Variants in SATL1 observed in about 807,000 individuals in gnomAD.
SATL1 encodes the protein spermidine/spermine N1-acetyl transferase like 1.
SATL1 carries 47 observed loss-of-function variants against 51.8 expected under a neutral mutation model. That is an observed-to-expected ratio of 0.91 (90% CI 0.72 to 1.16). The LOEUF (loss-of-function observed/expected upper bound fraction) is 1.16, where lower values mean the gene tolerates loss of function less well. Among genes scored for constraint, SATL1 ranks in the 50% most tolerant of loss-of-function variants. The probability of loss-of-function intolerance (pLI) is 0.00; values close to 1 mark genes in which losing one functional copy is unlikely to be tolerated. For missense variants in SATL1, 520 were observed against 526.4 expected, an observed-to-expected ratio of 0.99 and a Z score of 0.12; for synonymous variants, 176 against 182.4, an observed-to-expected ratio of 0.97 and a Z score of 0.28.
intron 2 of SATL1, among the ~76,000 whole-genome samples, chrX:85,199,085 C>T (rs914605724): frequency 3.6e-5 from 4 of 109,834 alleles, no homozygotes; most frequent in Non-Finnish European, 5.7e-5. Context: ...GACATTAGCC[C>T]GCCTCAGCCT....
Position 85,108,710 on chromosome X carries a change from G to C in SATL1, c.259C>G (p.Pro87Ala), listed in dbSNP as rs141330942. The change falls in exon 3 of 8, where the codon CCA (proline) becomes GCA (alanine). Residue 87 changes from proline to alanine, a missense_variant. Pro to Ala is a conservative substitution (Grantham distance 27). Transcript: ENST00000644105. ...PDTWQLGRSQ[P>A]GMLQQELSQL... ...CTCAGTTCTTGTTGCAGCATGCCTG[G>C]TTGGCTCCTACCTAATTGCCATGTG... 5.1e-3 allele frequency: 6,133 copies of C among 1,202,514 alleles called. 19 individuals carry two copies. Among genetic ancestry groups the C allele is most frequent in the Middle Eastern group, 0.011 (46 of 4,339 alleles).
chrX:85,100,406 C>T (rs1342676436), intron 4 of SATL1, among the ~76,000 whole-genome samples: 1 of 111,184 alleles, frequency 9.0e-6, no homozygotes, highest in Non-Finnish European at 1.9e-5. Context: ...CAGCAAAAAA[C>T]AAACCAAAAA....
chrX:85,234,799 C>T (rs1049492879), intron 1 of SATL1, among the ~76,000 whole-genome samples: 4 of 110,720 alleles, frequency 3.6e-5, no homozygotes, highest in Non-Finnish European at 5.7e-5. Context: ...GAAAGAAGGA[C>T]GAGAAGACCA....
intron 2 of SATL1, chrX:85,209,497 C>T (rs1490960932): frequency 9.0e-6 from 1 of 111,708 alleles, no homozygotes; most frequent in East Asian, 2.8e-4. Context: ...ATTGATTCTT[C>T]CTATCCATGA....
At chrX:85,239,240 A>T (rs1005888539) in intron 1 of SATL1, among the ~76,000 whole-genome samples, 9 of 111,964 alleles carry the variant, frequency 8.0e-5, no homozygotes, top group Non-Finnish European at 1.5e-4. Flanking sequence ...ACAGAGAAAA[A>T]TTTGAAACTG....
intron 2 of SATL1, among the ~76,000 whole-genome samples, chrX:85,203,805 A>G (rs1927735969): frequency 1.8e-5 from 2 of 112,498 alleles, no homozygotes; most frequent in Middle Eastern, 4.6e-3. Context: ...GTGAGGTGCA[A>G]TGCCGCCACT....
intron 2 of SATL1, among the ~76,000 whole-genome samples, chrX:85,140,200 A>C (rs1926075475): frequency 8.9e-6 from 1 of 112,147 alleles, no homozygotes; most frequent in African/African-American, 3.2e-5. Flanking sequence ...GAAAGCTAAA[A>C]TTGTGTCATG....
At chrX:85,224,057 T>C (rs1477204187) in intron 2 of SATL1, 148 bp downstream of exon 2, 1 of 112,005 alleles carries the variant, frequency 8.9e-6, no homozygotes, top group East Asian at 2.8e-4. Context: ...TAGTTTCCTG[T>C]GGCTGCCATA....
At chrX:85,219,724 G>A (rs1256402990) in intron 2 of SATL1, 2 of 111,195 alleles carry the variant, frequency 1.8e-5, no homozygotes, top group African/African-American at 6.5e-5. Flanking sequence ...GATTGGTGCT[G>A]TAGAATGATC....
At position 85,223,447 on chromosome X, in the gene SATL1, A is replaced by G. The variant is rs145945306; in HGVS notation, c.-313+758T>C. On this transcript the variant is annotated intron_variant, in intron 2 of 7. Coordinates refer to ENST00000644105, the MANE Select transcript of SATL1 (RefSeq NM_001367857.2). ...GACAGAAGATATGATAGAGCCAAGAAGAAAGATGAAGTCAAGTTTTCAGTT... is the reference window on the plus strand; with the variant it reads ...GACAGAAGATATGATAGAGCCAAGAGGAAAGATGAAGTCAAGTTTTCAGTT... Among the ~76,000 whole-genome samples the G allele has an allele frequency of 1.1e-4, 12 of 111,717 alleles. No individual in the cohort carries two copies. In the East Asian group the frequency reaches 2.8e-3, roughly 26 times the overall value.
Position 85,204,373 on chromosome X carries a change from T to C in SATL1, c.-313+19832A>G, listed in dbSNP as rs772133567. On this transcript the variant is annotated intron_variant, in intron 2 of 7. Coordinates refer to ENST00000644105, the MANE Select transcript of SATL1 (RefSeq NM_001367857.2). ...TCCTCTCCATGATAGCCACGCACAC[T>C]AGCTGCTTCTAGTCAGCCATCTTGG... Among the ~76,000 whole-genome samples the C allele has an allele frequency of 2.7e-5, 3 of 112,458 alleles. No individual in the cohort carries two copies. In the East Asian group the frequency reaches 8.4e-4, roughly 31 times the overall value.
intron 2 of SATL1, among the ~76,000 whole-genome samples, chrX:85,173,686 A>C (rs1728536530): frequency 9.0e-6 from 1 of 111,115 alleles, no homozygotes; most frequent in Non-Finnish European, 1.9e-5. Context: ...ACGTTAAAAA[A>C]AAATTGTAAG....
chrX:85,160,728 A>G (rs1429918012), intron 2 of SATL1, among the ~76,000 whole-genome samples: 8 of 111,171 alleles, frequency 7.2e-5, no homozygotes, highest in Non-Finnish European at 1.5e-4. Flanking sequence ...AAAGATGGCA[A>G]GAATGGAAGC....
intron 2 of SATL1, among the ~76,000 whole-genome samples, chrX:85,133,229 C>A (rs776096349): frequency 8.9e-6 from 1 of 112,528 alleles, no homozygotes; most frequent in South Asian, 3.6e-4. Flanking sequence ...GAAGTTTCTG[C>A]TGCCTTTTGT....
intron 1 of SATL1, among the ~76,000 whole-genome samples, chrX:85,237,674 T>A (rs972176250): frequency 1.5e-4 from 17 of 111,520 alleles, no homozygotes; most frequent in African/African-American, 5.5e-4. Context: ...TCTTAAGTAA[T>A]ACCCCAGAAG....
intron 2 of SATL1, among the ~76,000 whole-genome samples, chrX:85,177,331 T>TA (rs1927101270): frequency 8.9e-6 from 1 of 112,064 alleles, no homozygotes; most frequent in South Asian, 3.6e-4. Flanking sequence ...GTCAAAGTAA[T>TA]ATGAGAACTC....
chrX:85,180,888 T>C lies in SATL1; in HGVS notation c.-313+43317A>G, dbSNP rs935794874. Among the ~76,000 whole-genome samples, 5 of 110,866 alleles carry C rather than the reference T, an allele frequency of 4.5e-5. No homozygotes were observed. The Admixed American group carries it at 4.9e-4, about 11-fold the overall frequency. ...TTTTTTATAACATTCAAAAATGTTA[T>C]ATATATTTTCAAGATGCATATAGTT... On this transcript the variant is annotated intron_variant, in intron 2 of 7. Coordinates refer to ENST00000644105, the MANE Select transcript of SATL1 (RefSeq NM_001367857.2).
At chrX:85,104,662 GC>G (rs1181278707) in intron 3 of SATL1, among the ~76,000 whole-genome samples, 1 of 110,463 alleles carries the variant, frequency 9.1e-6, no homozygotes, top group Non-Finnish European at 1.9e-5. Context: ...TGCTCCCTCA[GC>G]CCCAGGATAC....
At position 85,150,854 on chromosome X, in the gene SATL1, A is replaced by G. The variant is rs1242710603; in HGVS notation, c.-312-41574T>C. 2.7e-5 allele frequency among the ~76,000 whole-genome samples: 3 copies of G among 109,637 alleles called. No homozygotes were observed. The East Asian group carries it at 8.7e-4, about 32-fold the overall frequency. Reference sequence around the variant, plus strand: ...GCTATCTATGACAAACCCACAGCCAATATCATACTGAATGGACAAATACTG... The same window carrying G: ...GCTATCTATGACAAACCCACAGCCAGTATCATACTGAATGGACAAATACTG... On this transcript the variant is annotated intron_variant, in intron 2 of 7. Coordinates refer to ENST00000644105, the MANE Select transcript of SATL1 (RefSeq NM_001367857.2).
Sources: gnomAD v4.1 joint callset for allele counts (sites outside exome capture counted in the v4.1 genomes callset) on GRCh38, gnomAD v4.1.1 for gene constraint, MANE v1.5 for transcripts, NCBI Gene and HGNC (gene_info 2026-07-23, HGNC 2026-07-21) for gene names.